Variants in NFATC2 observed in about 807,000 individuals in gnomAD.
NFATC2 encodes the protein nuclear factor of activated T-cells, cytoplasmic 2.
NFATC2 carries 22 observed loss-of-function variants against 87.3 expected under a neutral mutation model. The ratio of observed to expected loss-of-function variants is 0.25; its 90% CI spans 0.18 to 0.36. The LOEUF (loss-of-function observed/expected upper bound fraction) is 0.36. NFATC2 is among the 10% of genes least tolerant of loss of function. The pLI, the probability that NFATC2 is intolerant of heterozygous loss-of-function variation, is 1.00. For missense variants in NFATC2, 1,149 were observed against 1,259.1 expected (o/e 0.91, Z 1.32); for synonymous variants, 565 against 542.2 (o/e 1.04, Z -0.58).
intron 9 of NFATC2, among the ~76,000 whole-genome samples, chr20:51,424,965 C>T (rs145292078): frequency 1.3e-5 from 2 of 151,852 alleles, no homozygotes; most frequent in African/African-American, 2.4e-5. Context: ...TATGACAATG[C>T]TTTGTGGCCC....
At chr20:51,537,592 G>A (rs998741377) in intron 1 of NFATC2, among the ~76,000 whole-genome samples, 4 of 152,136 alleles carry the variant, frequency 2.6e-5, no homozygotes, top group Admixed American at 1.3e-4. Context: ...CTGGAGATCC[G>A]GCATCTCTGG....
intron 9 of NFATC2, among the ~76,000 whole-genome samples, chr20:51,420,344 G>A (rs1002167486): frequency 6.6e-6 from 1 of 152,194 alleles, no homozygotes; most frequent in Non-Finnish European, 1.5e-5. Flanking sequence ...AGAAGGATGT[G>A]TCATCACCCA....
At chr20:51,489,841 A>C (rs1218531779) in intron 3 of NFATC2, among the ~76,000 whole-genome samples, 1 of 152,204 alleles carries the variant, frequency 6.6e-6, no homozygotes, top group Non-Finnish European at 1.5e-5. Context: ...CACAATCCAA[A>C]AGAACGTCTA....
chr20:51,523,785 G>T lies in NFATC2; in HGVS notation c.456C>A (p.Thr152=). The change falls in exon 2 of 11, where the codon ACC becomes ACA. Residue 152 remains threonine (T), a synonymous_variant. Transcript: ENST00000371564. The surrounding 1 kb of genome is among the most constrained non-coding windows in gnomAD (Gnocchi z 6.9). The stretch of plus-strand genomic sequence containing the variant: ...AGCCCTCGAAGCCGGGCACGGGCAG[G>T]GTGAACCTCGGGCTGGCGGCCACCC... The part of the protein sequence containing the change: ...LAGVAASPRF[T]LPVPGFEGYR... 1 of 1,609,384 alleles carries T rather than the reference G, an allele frequency of 6.2e-7. No individual in the cohort carries two copies. The highest frequency in any genetic ancestry group is 1.1e-5 in the South Asian group (1 of 90,868).
chr20:51,527,506 C>T (rs150271936), intron 1 of NFATC2, among the ~76,000 whole-genome samples: 133 of 152,234 alleles, frequency 8.7e-4, no homozygotes, highest in African/African-American at 3.2e-3. Flanking sequence ...CCCTCGACCT[C>T]GAGATCCACC....
intron 10 of NFATC2, 150 bp from the exon 11 acceptor site, chr20:51,391,601 G>A: frequency 2.4e-6 from 2 of 828,104 alleles, no homozygotes; most frequent in Non-Finnish European, 3.8e-6. Context: ...GGAGTGCAAT[G>A]GCATGATCAT....
chr20:51,391,164 G>A lies in NFATC2; in HGVS notation c.*332C>T, dbSNP rs1568914474. 3.0e-6 allele frequency: 2 copies of A among 676,816 alleles called. No homozygotes were observed. The highest frequency in any genetic ancestry group is 3.5e-5 in the African/African-American group (2 of 56,644). 41.9% of individuals were successfully genotyped at this position (676,816 alleles called of 1,614,324 possible). A position where few individuals can be genotyped will look rare whatever the true frequency, so the allele number is the denominator to read the frequency against. On this transcript the variant is annotated 3_prime_UTR_variant, in exon 11 of 11. Transcript: ENST00000371564. ...TACTATTTGGACGGAACACCATTAA[G>A]ATCAACCAGGATGCTCTCTGGGATT... is the stretch of plus-strand genomic sequence containing the variant.
intron 9 of NFATC2, among the ~76,000 whole-genome samples, chr20:51,414,452 G>A (rs1979739551): frequency 6.6e-6 from 1 of 152,152 alleles, no homozygotes; most frequent in Non-Finnish European, 1.5e-5. Flanking sequence ...ACTTTGGGAG[G>A]CCGAGGTGGG....
chr20:51,528,164 A>G (rs960870752), intron 1 of NFATC2, among the ~76,000 whole-genome samples: 14 of 151,986 alleles, frequency 9.2e-5, no homozygotes, highest in Non-Finnish European at 1.8e-4. Flanking sequence ...CTTAAGATTC[A>G]TTACTACAAC....
At chr20:51,532,049 G>A (rs1003295024) in intron 1 of NFATC2, among the ~76,000 whole-genome samples, 3 of 152,080 alleles carry the variant, frequency 2.0e-5, no homozygotes, top group African/African-American at 4.8e-5. Flanking sequence ...GCAGTGGATC[G>A]ACTAAATCTT....
chr20:51,533,447 T>C (rs939100483), intron 1 of NFATC2, among the ~76,000 whole-genome samples: 1 of 152,224 alleles, frequency 6.6e-6, no homozygotes, highest in Non-Finnish European at 1.5e-5. Flanking sequence ...CAGAGTCAGG[T>C]TGTCACACCC....
chr20:51,487,466 C>T (rs545488191), intron 3 of NFATC2, among the ~76,000 whole-genome samples: 51 of 152,222 alleles, frequency 3.4e-4, no homozygotes, highest in Non-Finnish European at 5.1e-4. Context: ...CCTCTGCATC[C>T]GGCACATGTA....
intron 9 of NFATC2, among the ~76,000 whole-genome samples, chr20:51,428,450 G>A (rs1982183784): frequency 1.3e-5 from 2 of 152,184 alleles, no homozygotes; most frequent in African/African-American, 4.8e-5. Context: ...TCAAGTACTC[G>A]GAGTGGAGAA....
intron 6 of NFATC2, among the ~76,000 whole-genome samples, chr20:51,441,220 T>C (rs1026636826): frequency 1.3e-5 from 2 of 151,450 alleles, no homozygotes; most frequent in Non-Finnish European, 2.9e-5. Flanking sequence ...GAGGTGGAGG[T>C]TGCAGTGAGC....
At chr20:51,540,812 A>G (rs1600994280) in intron 1 of NFATC2, among the ~76,000 whole-genome samples, 1 of 151,214 alleles carries the variant, frequency 6.6e-6, no homozygotes, top group Non-Finnish European at 1.5e-5. Flanking sequence ...AAATCCCCCC[A>G]CCCCACCCGA....
At chr20:51,502,012 CAT>C in intron 3 of NFATC2, among the ~76,000 whole-genome samples, 1 of 152,316 alleles carries the variant, frequency 6.6e-6, no homozygotes, top group South Asian at 2.1e-4. Flanking sequence ...ATTTGGCTGG[CAT>C]AGTTTGACGA....
At chr20:51,456,188 G>C (rs1986523113) in intron 5 of NFATC2, among the ~76,000 whole-genome samples, 1 of 152,090 alleles carries the variant, frequency 6.6e-6, no homozygotes, top group Non-Finnish European at 1.5e-5. Context: ...CTCCCAGTAT[G>C]TATTCTCAAT....
At chr20:51,401,985 C>A (rs774735340) in intron 9 of NFATC2, among the ~76,000 whole-genome samples, 1 of 152,148 alleles carries the variant, frequency 6.6e-6, no homozygotes, top group Non-Finnish European at 1.5e-5. Flanking sequence ...TAAGGGAAAC[C>A]CTGCGTGCAT....
chr20:51,426,505 G>A (rs1354760379), intron 9 of NFATC2, among the ~76,000 whole-genome samples: 1 of 114,168 alleles, frequency 8.8e-6, no homozygotes, highest in South Asian at 2.9e-4. Flanking sequence ...AAACAAAACA[G>A]CAGATCACAT....
Sources: gnomAD v4.1 joint callset for allele counts (sites outside exome capture counted in the v4.1 genomes callset) on GRCh38, gnomAD v4.1.1 for gene constraint, Gnocchi (gnomAD v3.1) non-coding constraint, MANE v1.5 for transcripts, NCBI Gene and HGNC (gene_info 2026-07-23, HGNC 2026-07-21) for gene names.